The following GABRG2 variants were observed in gnomAD, a reference collection of about 807,000 sequenced individuals.
GABRG2 encodes gamma-aminobutyric acid type A receptor subunit gamma2, also known as gamma-aminobutyric acid receptor subunit gamma-2.
GABRG2 carries 16 observed loss-of-function variants against 56.4 expected under a neutral mutation model. That is an observed-to-expected ratio of 0.28 (90% CI 0.19 to 0.43). GABRG2 has a LOEUF of 0.43. GABRG2 is among the 20% of genes least tolerant of loss of function. GABRG2 has a pLI of 1.00. For missense variants in GABRG2, 327 were observed against 582.7 expected (o/e 0.56, Z 4.52); for synonymous variants, 208 against 205.5 (o/e 1.01, Z -0.10).
chr5:162,108,613 G>A (rs1206944899), intron 6 of GABRG2, among the ~76,000 whole-genome samples: 1 of 152,090 alleles, frequency 6.6e-6, no homozygotes, highest in African/African-American at 2.4e-5. Flanking sequence ...GACAGCTCAG[G>A]TTTTAACACC....
chr5:162,094,620 C>T (rs779312103), intron 2 of GABRG2: 1 of 152,714 alleles, frequency 6.5e-6, no homozygotes, highest in Non-Finnish European at 1.5e-5. Flanking sequence ...TATTATTAGC[C>T]GAAGCCAATC....
chr5:162,090,871 T>C (rs1561640752), intron 1 of GABRG2, among the ~76,000 whole-genome samples: 1 of 152,148 alleles, frequency 6.6e-6, no homozygotes, highest in Non-Finnish European at 1.5e-5. Flanking sequence ...CCAGACATTC[T>C]TATGGAGTCT....
At position 162,089,427 on chromosome 5, in the gene GABRG2, G is replaced by C. The variant is rs1760389720; in HGVS notation, c.108-4401G>C. On this transcript the variant is annotated intron_variant, in intron 1 of 9. Coordinates refer to ENST00000639213, the MANE Select transcript of GABRG2 (RefSeq NM_198904.4). ...TAGTGTATATTCACAATTTAGAGGT[G>C]ACAATGGAGCAGAAAATCCAATGCA... Among the ~76,000 whole-genome samples the C allele has an allele frequency of 1.3e-5, 2 of 152,070 alleles. 1 individual carries two copies. The highest frequency in any genetic ancestry group is 4.1e-4 in the South Asian group (2 of 4,828).
At chr5:162,078,531 G>C (rs1759381310) in intron 1 of GABRG2, among the ~76,000 whole-genome samples, 1 of 145,884 alleles carries the variant, frequency 6.9e-6, no homozygotes, top group Admixed American at 7.0e-5. Flanking sequence ...TCAGCCTCCT[G>C]AGTATCTGGG....
chr5:162,092,987 G>A (rs1760723618), intron 1 of GABRG2, among the ~76,000 whole-genome samples: 2 of 152,044 alleles, frequency 1.3e-5, no homozygotes, highest in Admixed American at 1.3e-4. Flanking sequence ...GGAGAGGTAA[G>A]CTATAGGAAT....
Position 162,153,156 on chromosome 5 carries a change from CAA to C in GABRG2, c.1217_1218del (p.Gln406ArgfsTer4), listed in dbSNP as rs1554101202. 6.2e-7 allele frequency: 1 copy of C among 1,614,068 alleles called. No individual in the cohort carries two copies. The highest frequency in any genetic ancestry group is 8.5e-7 in the Non-Finnish European group (1 of 1,179,976). On this transcript the variant is annotated frameshift_variant, in exon 10 of 10. Coordinates refer to ENST00000639213, the MANE Select transcript of GABRG2 (RefSeq NM_198904.4). LOFTEE classifies it high-confidence loss of function. ...TCAAATGAATAATGCTACACACCTTCAAGAGAGAGATGAAGAGTACGGCTATG... is the reference window on the plus strand; with the variant it reads ...TCAAATGAATAATGCTACACACCTTCGAGAGAGATGAAGAGTACGGCTATG... ...TIQMNNATHLQERDEEYGYEC... is the reference protein window; with the variant it reads ...TIQMNNATHLXERDEEYGYEC...
At chr5:162,109,415 TA>T (rs1561647282) in intron 6 of GABRG2, among the ~76,000 whole-genome samples, 24 of 141,734 alleles carry the variant, frequency 1.7e-4, no homozygotes, top group East Asian at 1.2e-3. Context: ...TATATATATA[TA>T]TATATATTTA....
chr5:162,090,311 T>TA (rs1275057682), intron 1 of GABRG2, among the ~76,000 whole-genome samples: 1 of 142,258 alleles, frequency 7.0e-6, no homozygotes, highest in Non-Finnish European at 1.6e-5. Flanking sequence ...GACATACACA[T>TA]ACACATACAC....
chr5:162,118,245 T>C (rs111693970), intron 6 of GABRG2, among the ~76,000 whole-genome samples: 2,050 of 150,048 alleles, frequency 0.014, 50 homozygotes, highest in African/African-American at 0.048. Flanking sequence ...GTGTCTGTAA[T>C]AAACATAATA....
intron 7 of GABRG2, chr5:162,142,610 G>A (rs1764659757): frequency 2.8e-6 from 1 of 355,480 alleles, no homozygotes; most frequent in South Asian, 2.2e-5. Context: ...GGACATGGAT[G>A]AAGCTGGAAA....
chr5:162,138,372 C>T (rs895347469), intron 6 of GABRG2, among the ~76,000 whole-genome samples: 6 of 152,116 alleles, frequency 3.9e-5, no homozygotes, highest in African/African-American at 9.7e-5. Context: ...ATTATGTCCC[C>T]AATTCAAGTG....
At chr5:162,070,050 A>G (rs1758546192) in intron 1 of GABRG2, among the ~76,000 whole-genome samples, 1 of 152,128 alleles carries the variant, frequency 6.6e-6, no homozygotes, top group South Asian at 2.1e-4. Flanking sequence ...AACATGTTTA[A>G]CTTTACTATA....
chr5:162,093,198 C>T (rs1760740010), intron 1 of GABRG2, among the ~76,000 whole-genome samples: 1 of 152,152 alleles, frequency 6.6e-6, no homozygotes, highest in African/African-American at 2.4e-5. Context: ...AAGTCTGTAA[C>T]ATTTTTCTTC....
chr5:162,148,848 C>T (rs1765149883), intron 7 of GABRG2, among the ~76,000 whole-genome samples: 2 of 152,178 alleles, frequency 1.3e-5, no homozygotes, highest in African/African-American at 4.8e-5. Flanking sequence ...TGACATGATT[C>T]ACAGTATATC....
At chr5:162,151,775 A>C in intron 9 of GABRG2, 22 bp downstream of exon 9, 1 of 1,603,844 alleles carries the variant, frequency 6.2e-7, no homozygotes, top group South Asian at 1.1e-5. Flanking sequence ...TTGGAATGGA[A>C]ATTCACTGCA....
At chr5:162,103,576 T>G in intron 5 of GABRG2, 1 of 350,136 alleles carries the variant, frequency 2.9e-6, no homozygotes, top group Non-Finnish European at 5.5e-6. Context: ...GACTGGTCAC[T>G]TGGTATGCAC....
At chr5:162,094,697 T>C (rs1178223456) in intron 2 of GABRG2, 3 of 152,454 alleles carry the variant, frequency 2.0e-5, no homozygotes, top group Non-Finnish European at 4.4e-5. Flanking sequence ...AGGATGTGAA[T>C]GCCGGTTATA....
chr5:162,136,318 G>A (rs1051064237), intron 6 of GABRG2, among the ~76,000 whole-genome samples: 11 of 152,152 alleles, frequency 7.2e-5, no homozygotes, highest in South Asian at 4.1e-4. Context: ...AATCTGTACC[G>A]TCCAATACAC....
chr5:162,084,689 AAT>A (rs1322783235), intron 1 of GABRG2, among the ~76,000 whole-genome samples: 2 of 151,880 alleles, frequency 1.3e-5, no homozygotes, highest in Non-Finnish European at 2.9e-5. Context: ...GCATATTTGT[AAT>A]ATGTTAGTCA....
Sources: allele counts gnomAD v4.1 joint callset (sites outside exome capture counted in the v4.1 genomes callset), GRCh38; gene constraint gnomAD v4.1.1; transcripts MANE v1.5; gene names NCBI Gene and HGNC (gene_info 2026-07-23, HGNC 2026-07-21).